Variants in OXR1 observed in about 807,000 individuals in gnomAD.
The protein encoded by OXR1 is oxidation resistance 1.
OXR1 carries 41 observed loss-of-function variants against 104.6 expected under a neutral mutation model. That is an observed-to-expected ratio of 0.39 (90% CI 0.31 to 0.51). The LOEUF is 0.51. OXR1 is among the 20% of genes least tolerant of loss of function. The pLI is 0.77. For synonymous variants in OXR1, 348 were observed against 348.4 expected (o/e 1.00, Z 0.01); for missense variants, 955 against 1,031.9 (o/e 0.93, Z 1.02).
rs201292057 is a variant in OXR1 at position 106,692,741 on chromosome 8, A to C, written c.539A>C (p.His180Pro). ...AAAAAAAAAAAGAATCCTGATGTCC[A>C]TCCAACAGAAGCAACTCCCTCATCT... ...EFDKTTNPDV[H>P]PTEATPSSTF... The change falls in exon 7 of 17, where the codon CAT (histidine) becomes CCT (proline). Residue 180 changes from histidine to proline, a missense_variant. Physicochemically the swap from His to Pro is moderately conservative, Grantham distance 77. Coordinates refer to ENST00000517566, the MANE Select transcript of OXR1 (RefSeq NM_001198533.2). 3 of 1,482,560 alleles carry C rather than the reference A, an allele frequency of 2.0e-6. No homozygotes were observed. Among genetic ancestry groups the C allele is most frequent in the East Asian group, 2.4e-5 (1 of 41,414 alleles). 91.8% of individuals were successfully genotyped at this position (1,482,560 alleles called of 1,614,324 possible).
At chr8:106,718,905 A>G (rs1321612360) in intron 11 of OXR1, among the ~76,000 whole-genome samples, 1 of 152,036 alleles carries the variant, frequency 6.6e-6, no homozygotes, top group East Asian at 1.9e-4. Context: ...ATAAGAAAGC[A>G]TGTTTTTAAA....
chr8:106,648,602 C>A (rs73699911), intron 3 of OXR1, among the ~76,000 whole-genome samples: 2,093 of 152,206 alleles, frequency 0.014, 58 homozygotes, highest in African/African-American at 0.047. Context: ...AGGAATAGTG[C>A]TGCGGGGGCA....
At chr8:106,739,072 GCATA>G (rs1363906921) in intron 12 of OXR1, among the ~76,000 whole-genome samples, 11 of 73,346 alleles carry the variant, frequency 1.5e-4, no homozygotes, top group Non-Finnish European at 2.9e-4. Flanking sequence ...ATTTTAAATA[GCATA>G]CACACACACA....
intron 3 of OXR1, among the ~76,000 whole-genome samples, chr8:106,521,899 G>A (rs1202394276): frequency 2.0e-5 from 3 of 152,080 alleles, no homozygotes; most frequent in Non-Finnish European, 2.9e-5. Context: ...CCTTGCCAAC[G>A]AACGAACCCG....
At chr8:106,493,556 A>G (rs1032939827) in intron 2 of OXR1, among the ~76,000 whole-genome samples, 2 of 152,116 alleles carry the variant, frequency 1.3e-5, no homozygotes, top group African/African-American at 4.8e-5. Context: ...TCATGCTTAT[A>G]TTAACTAACA....
chr8:106,349,510 C>T (rs138958302), intron 1 of OXR1, among the ~76,000 whole-genome samples: 170 of 152,004 alleles, frequency 1.1e-3, no homozygotes, highest in Middle Eastern at 6.8e-3. Flanking sequence ...AAAACAGAAA[C>T]GAAAACAACC....
chr8:106,602,962 G>T (rs1352215826), intron 3 of OXR1, among the ~76,000 whole-genome samples: 1 of 152,030 alleles, frequency 6.6e-6, no homozygotes, highest in East Asian at 1.9e-4. Flanking sequence ...TCAGAAAGAT[G>T]ATTTATATTT....
rs1197950667 is a variant in OXR1, at chr8:106,531,890, AT to A, written c.220+12752del. Among the ~76,000 whole-genome samples the A allele has an allele frequency of 1.2e-4, 18 of 152,320 alleles. 1 individual carries two copies. Among genetic ancestry groups the A allele is most frequent in the African/African-American group, 3.4e-4 (14 of 41,576 alleles). ...GTATAGTGAGTGGGATGGAATGGGG[AT>A]AGCCAAAAAGATGCACTTAAGGAAA... On this transcript the variant is annotated intron_variant, in intron 3 of 16. Coordinates refer to ENST00000517566, the MANE Select transcript of OXR1 (RefSeq NM_001198533.2).
At chr8:106,471,776 T>C (rs1821505027) in intron 2 of OXR1, among the ~76,000 whole-genome samples, 1 of 151,866 alleles carries the variant, frequency 6.6e-6, no homozygotes, top group Non-Finnish European at 1.5e-5. Context: ...ACATAATCAC[T>C]GGGGCATTTT....
At chr8:106,718,446 G>C (rs531802301) in intron 11 of OXR1, among the ~76,000 whole-genome samples, 1 of 152,284 alleles carries the variant, frequency 6.6e-6, no homozygotes, top group South Asian at 2.1e-4. Context: ...TAAGTATTTG[G>C]ATAAAGGATC....
intron 2 of OXR1, among the ~76,000 whole-genome samples, chr8:106,364,856 C>G (rs1816400150): frequency 6.6e-6 from 1 of 152,274 alleles, no homozygotes; most frequent in South Asian, 2.1e-4. Context: ...AAATCAAACT[C>G]TTATCTCAAA....
chr8:106,595,566 AAAAAG>A (rs1479957421), intron 3 of OXR1, among the ~76,000 whole-genome samples: 4 of 151,738 alleles, frequency 2.6e-5, no homozygotes, highest in Middle Eastern at 3.4e-3. Flanking sequence ...AAAAAAAAAA[AAAAAG>A]AAAAGAAAAA....
At chr8:106,279,253 T>C (rs1812182513) in intron 1 of OXR1, among the ~76,000 whole-genome samples, 1 of 152,154 alleles carries the variant, frequency 6.6e-6, no homozygotes, top group Non-Finnish European at 1.5e-5. Context: ...ATCTGAAATA[T>C]GAAATGAACA....
intron 11 of OXR1, among the ~76,000 whole-genome samples, chr8:106,730,801 G>A (rs1833815801): frequency 6.6e-6 from 1 of 151,720 alleles, no homozygotes; most frequent in African/African-American, 2.4e-5. Context: ...GGTGACTCAC[G>A]CCTGTAATAT....
chr8:106,637,569 C>G (rs1823246616), intron 3 of OXR1, among the ~76,000 whole-genome samples: 1 of 152,106 alleles, frequency 6.6e-6, no homozygotes. Context: ...GTACATTCTT[C>G]CAACCTTGGG....
intron 1 of OXR1, among the ~76,000 whole-genome samples, chr8:106,278,481 TA>T (rs1023640590): frequency 3.3e-4 from 49 of 147,222 alleles, no homozygotes; most frequent in African/African-American, 6.7e-4. Context: ...CATGGGCAAC[TA>T]AAAAAAAAAT....
intron 2 of OXR1, among the ~76,000 whole-genome samples, chr8:106,459,446 T>C (rs1820786854): frequency 6.6e-6 from 1 of 152,118 alleles, no homozygotes; most frequent in Non-Finnish European, 1.5e-5. Flanking sequence ...TATTTTTTTA[T>C]TAAATATCCA....
chr8:106,677,837 T>G (rs1365535485), intron 3 of OXR1, among the ~76,000 whole-genome samples: 1 of 152,112 alleles, frequency 6.6e-6, no homozygotes, highest in Non-Finnish European at 1.5e-5. Flanking sequence ...TTCTCTACTT[T>G]TCTTTATGGA....
intron 1 of OXR1, among the ~76,000 whole-genome samples, chr8:106,304,662 A>G (rs1813402062): frequency 6.6e-6 from 1 of 152,168 alleles, no homozygotes; most frequent in African/African-American, 2.4e-5. Flanking sequence ...TTAATTTAAC[A>G]TTTCTTAGAT....
Sources: gnomAD v4.1 joint callset for allele counts (sites outside exome capture counted in the v4.1 genomes callset) on GRCh38, gnomAD v4.1.1 for gene constraint, MANE v1.5 for transcripts, NCBI Gene and HGNC (gene_info 2026-07-23, HGNC 2026-07-21) for gene names.